PHC2: variants seen among roughly 807,000 people sequenced by gnomAD.
PHC2 encodes polyhomeotic-like protein 2.
Under a neutral mutation model 87.4 loss-of-function variants are expected in PHC2, and 29 were observed. That is an observed-to-expected ratio of 0.33 (90% CI 0.25 to 0.45). The LOEUF is 0.45. Among genes scored for constraint, PHC2 ranks in the 20% least tolerant of loss-of-function variants. PHC2 has a pLI of 1.00. For synonymous variants in PHC2, 438 were observed against 461.7 expected (o/e 0.95, Z 0.66); for missense variants, 857 against 1,136.7 (o/e 0.75, Z 3.54).
At chr1:33,370,867 G>A (rs572590550) in intron 4 of PHC2, 150 bp downstream of exon 4, 741 of 739,548 alleles carry the variant, frequency 1.0e-3, no homozygotes, top group Non-Finnish European at 1.6e-3. Flanking sequence ...GTCAGTAAGA[G>A]ACATGCCCTT....
intron 1 of PHC2, among the ~76,000 whole-genome samples, chr1:33,421,903 G>A (rs762769123): frequency 2.6e-5 from 4 of 152,154 alleles, no homozygotes; most frequent in Middle Eastern, 3.2e-3. Flanking sequence ...TCTAAAAGGC[G>A]GATCTGATCT....
rs1248277370 is a variant in PHC2, at chr1:33,355,097, A to T, written c.1133T>A (p.Leu378His). The change falls in exon 8 of 15, where the codon CTC (leucine) becomes CAC (histidine). Residue 378 changes from leucine to histidine, a missense_variant. Leu to His is a moderately conservative substitution (Grantham distance 99). This residue lies in a region of PHC2 where 832 missense variants were observed against 1,081.8 expected (regional missense o/e 0.77). Transcript: ENST00000683057. ...GGCCACGCTTGGAGAGACTGAGGCG[A>T]GCTGGGGGTGGGGCTCAGCTTGGAG... ...PVLQAEPHPQ[L>H]ASVSPSVALQ... The T allele has an allele frequency of 6.2e-7, 1 of 1,611,428 alleles. No homozygotes were observed. Among genetic ancestry groups the T allele is most frequent in the Non-Finnish European group, 8.5e-7 (1 of 1,179,068 alleles).
rs1287873093 is a variant in PHC2 at position 33,354,877 on chromosome 1, A to G, written c.1353T>C (p.Thr451=). The G allele has an allele frequency of 1.2e-6, 2 of 1,614,026 alleles. No homozygotes were observed. The highest frequency in any genetic ancestry group is 2.7e-5 in the African/African-American group (2 of 74,928). Reference sequence around the variant, plus strand: ...GCTGCAGTTGTAAGATGACAGCTGAAGTGTGCTGGAACCTGCGTTGAGGGG... The same window carrying G: ...GCTGCAGTTGTAAGATGACAGCTGAGGTGTGCTGGAACCTGCGTTGAGGGG... ...PHTPQRRFQH[T]SAVILQLQPA... Residue 451 remains threonine (T), a synonymous_variant, in exon 8 of 15, where the codon ACT becomes ACC. Coordinates refer to ENST00000683057, the MANE Select transcript of PHC2 (RefSeq NM_001385109.1).
rs373499655 is a variant in PHC2 at position 33,324,199 on chromosome 1, C to CTGTT, written c.*662_*665dup. ...GAGTCCAGGACAAAGCACTAAGTGG[C>CTGTT]TGTTTGCTACAAAACACCTGGAGAT... On this transcript the variant is annotated 3_prime_UTR_variant, in exon 15 of 15. Transcript: ENST00000683057. 3.7e-3 allele frequency: 568 copies of CTGTT among 152,934 alleles called. 7 individuals are homozygous for CTGTT. The highest frequency in any genetic ancestry group is 0.013 in the African/African-American group (542 of 41,582). The allele number at this position is 152,934 out of a possible 1,614,324, so 9.5% of individuals were successfully genotyped here.
At chr1:33,404,379 C>T in intron 1 of PHC2, among the ~76,000 whole-genome samples, 1 of 152,226 alleles carries the variant, frequency 6.6e-6, no homozygotes, top group South Asian at 2.1e-4. Context: ...CCCCACATCA[C>T]CTGGTAATTT....
chr1:33,367,096 C>T lies in PHC2; in HGVS notation c.976+20G>A. The stretch of plus-strand genomic sequence containing the variant: ...CCCTGAGTTTTCTGGGAAAGGATTC[C>T]TGCTTCCTGAAGACCTTACCTGGTG... On this transcript the variant is annotated intron_variant, in intron 7 of 14. Coordinates refer to ENST00000683057, the MANE Select transcript of PHC2 (RefSeq NM_001385109.1). 6.3e-7 allele frequency: 1 copy of T among 1,575,472 alleles called. No individual in the cohort carries two copies. Among genetic ancestry groups the T allele is most frequent in the Non-Finnish European group, 8.7e-7 (1 of 1,155,380 alleles).
chr1:33,336,147 C>T (rs1344558936), intron 9 of PHC2, among the ~76,000 whole-genome samples: 1 of 151,902 alleles, frequency 6.6e-6, no homozygotes, highest in African/African-American at 2.4e-5. Context: ...TACCACCATA[C>T]CCGGCTAATT....
At chr1:33,387,190 CTT>C (rs1648807464) in intron 1 of PHC2, among the ~76,000 whole-genome samples, 1 of 152,188 alleles carries the variant, frequency 6.6e-6, no homozygotes, top group African/African-American at 2.4e-5. Flanking sequence ...CCACTTAACT[CTT>C]TGTAACTCTG....
chr1:33,409,252 AC>A (rs889571301), intron 1 of PHC2, among the ~76,000 whole-genome samples: 19 of 152,206 alleles, frequency 1.2e-4, no homozygotes, highest in African/African-American at 3.6e-4. Flanking sequence ...AGTGGTCATT[AC>A]AAGAGGGGAA....
Position 33,324,894 on chromosome 1 carries a change from C to T in PHC2, c.2551G>A (p.Ala851Thr), listed in dbSNP as rs1472472276. 1.2e-6 allele frequency: 2 copies of T among 1,613,520 alleles called. No homozygotes were observed. The highest frequency in any genetic ancestry group is 1.7e-6 in the Non-Finnish European group (2 of 1,179,734). The stretch of plus-strand genomic sequence containing the variant: ...GAGTCCTTGAGCATGCTGATGCGGG[C>T]GTAGATCTTCAGGGCGGGCCCCAGC... ...IKLGPALKIYARISMLKDS is the reference protein window; with the variant it reads ...IKLGPALKIYTRISMLKDS The change falls in exon 15 of 15, where the codon GCC becomes ACC. Residue 851 changes from alanine (A) to threonine (T), a missense_variant. Transcript: ENST00000683057.
At chr1:33,421,418 G>C (rs1309005063) in intron 1 of PHC2, among the ~76,000 whole-genome samples, 2 of 152,140 alleles carry the variant, frequency 1.3e-5, no homozygotes, top group Non-Finnish European at 2.9e-5. Flanking sequence ...TCTAAGTAAA[G>C]GGATGTAAAA....
chr1:33,370,976 T>C (rs781010472), intron 4 of PHC2, 41 bp downstream of exon 4: 1 of 1,555,186 alleles, frequency 6.4e-7, no homozygotes, highest in Admixed American at 1.7e-5. Flanking sequence ...ATTTTGGTCC[T>C]GGGGCTGTGG....
At chr1:33,335,191 C>G (rs553382046) in intron 9 of PHC2, 1 of 985,398 alleles carries the variant, frequency 1.0e-6, no homozygotes, top group East Asian at 1.1e-4. Flanking sequence ...CGACAGTGAA[C>G]TTCCTCTCTT....
chr1:33,343,291 T>C (rs1230730123), intron 9 of PHC2, among the ~76,000 whole-genome samples: 1 of 150,280 alleles, frequency 6.7e-6, no homozygotes, highest in Non-Finnish European at 1.5e-5. Flanking sequence ...TGAAACCCTG[T>C]CTCTAGTAAA....
intron 9 of PHC2, chr1:33,346,328 G>A: frequency 1.0e-6 from 1 of 985,420 alleles, no homozygotes; most frequent in South Asian, 4.7e-5. Context: ...ACTTTTGTGA[G>A]ATTCCTCCTG....
intron 1 of PHC2, among the ~76,000 whole-genome samples, chr1:33,398,958 G>T (rs1031551822): frequency 1.3e-5 from 2 of 152,078 alleles, no homozygotes; most frequent in African/African-American, 4.8e-5. Context: ...AAAAAGACAC[G>T]GTTTCTTTCT....
intron 1 of PHC2, among the ~76,000 whole-genome samples, chr1:33,423,896 A>G (rs151110544): frequency 6.6e-6 from 1 of 152,152 alleles, no homozygotes; most frequent in Non-Finnish European, 1.5e-5. Flanking sequence ...CAGGAGTTCA[A>G]CACCACCCTG....
Position 33,332,125 on chromosome 1 carries a change from TGAGGGAAGGAGG to T in PHC2, c.1891+138_1891+149del. Reference sequence around the variant, plus strand: ...CCGTGATTTCCCCTATCCCTCTTTTTGAGGGAAGGAGGCTGAGGAGGTGCTGGGGGAAATGTT... The same window carrying T: ...CCGTGATTTCCCCTATCCCTCTTTTTCTGAGGAGGTGCTGGGGGAAATGTT... On this transcript the variant is annotated intron_variant, in intron 11 of 14. Transcript: ENST00000683057. This position sits in a 1 kb window ranked among gnomAD's most constrained non-coding sequence, Gnocchi z 4.2. 1.2e-6 allele frequency: 1 copy of T among 826,134 alleles called. No individual in the cohort carries two copies. The highest frequency in any genetic ancestry group is 1.9e-6 in the Non-Finnish European group (1 of 525,214). The allele number at this position is 826,134 out of a possible 1,614,324, so 51.2% of individuals were successfully genotyped here.
At chr1:33,348,291 TG>T (rs1322316279) in intron 9 of PHC2, among the ~76,000 whole-genome samples, 3 of 149,526 alleles carry the variant, frequency 2.0e-5, no homozygotes, top group Admixed American at 6.6e-5. Flanking sequence ...GATGGGCGGG[TG>T]GGGGAGGTGG....
Sources: allele counts gnomAD v4.1 joint callset (sites outside exome capture counted in the v4.1 genomes callset), GRCh38; gene constraint gnomAD v4.1.1; regional missense constraint gnomAD v4.1.1; non-coding constraint Gnocchi (gnomAD v3.1); transcripts MANE v1.5; gene names NCBI Gene and HGNC (gene_info 2026-07-23, HGNC 2026-07-21).